Variants in SPTBN1 observed in about 807,000 individuals in gnomAD.
The protein encoded by SPTBN1 is spectrin beta chain, non-erythrocytic 1.
Under a neutral mutation model 266.4 loss-of-function variants are expected in SPTBN1, and 32 were observed. The ratio of observed to expected loss-of-function variants is 0.12; its 90% CI spans 0.09 to 0.16. The LOEUF is 0.16. Ranked by LOEUF, SPTBN1 falls within the 10% of genes least tolerant of loss-of-function variation. The pLI is 1.00. For missense variants in SPTBN1, 2,296 were observed against 3,067.1 expected (o/e 0.75, Z 5.94); for synonymous variants, 1,336 against 1,162.2 (o/e 1.15, Z -3.04).
intron 6 of SPTBN1, 73 bp downstream of exon 6, chr2:54,617,761 CTT>C: frequency 1.3e-6 from 2 of 1,483,974 alleles, no homozygotes; most frequent in Admixed American, 3.5e-5. Flanking sequence ...ATTTGGGTGA[CTT>C]TTCCATATCC....
At chr2:54,541,150 C>T (rs1671910810) in intron 2 of SPTBN1, among the ~76,000 whole-genome samples, 1 of 152,164 alleles carries the variant, frequency 6.6e-6, no homozygotes, top group Non-Finnish European at 1.5e-5. Context: ...TTGCCAGTCC[C>T]AAAGCTGTTT....
At chr2:54,607,249 C>T (rs936519356) in intron 3 of SPTBN1, among the ~76,000 whole-genome samples, 2 of 152,158 alleles carry the variant, frequency 1.3e-5, no homozygotes, top group African/African-American at 2.4e-5. Flanking sequence ...AACAGTGATA[C>T]AATTTTTTAA....
chr2:54,665,577 A>G (rs1681315230), intron 33 of SPTBN1, among the ~76,000 whole-genome samples: 1 of 152,222 alleles, frequency 6.6e-6, no homozygotes, highest in African/African-American at 2.4e-5. Flanking sequence ...CCTTTAGCTC[A>G]TGACCATAAG....
chr2:54,661,112 A>G lies in SPTBN1; in HGVS notation c.6420+1113A>G, dbSNP rs1009200299. ...AAACTCCACTGTACATCTTGGATTA[A>G]TCTTCTGATTCATTGTTCATTTTCT... On this transcript the variant is annotated intron_variant, in intron 32 of 35. Coordinates refer to ENST00000356805, the MANE Select transcript of SPTBN1 (RefSeq NM_003128.3). 3.0e-6 allele frequency: 3 copies of G among 985,382 alleles called. No individual in the cohort carries two copies. In the Admixed American group the frequency reaches 1.8e-4, roughly 60 times the overall value. 61.0% of individuals were successfully genotyped at this position (985,382 alleles called of 1,614,324 possible).
At chr2:54,474,330 A>G (rs973024981) in intron 1 of SPTBN1, among the ~76,000 whole-genome samples, 5 of 152,170 alleles carry the variant, frequency 3.3e-5, no homozygotes, top group African/African-American at 9.7e-5. Flanking sequence ...AGGGTGGACT[A>G]TATATTCTGG....
chr2:54,600,324 A>G (rs1181144431), intron 3 of SPTBN1, among the ~76,000 whole-genome samples: 6 of 152,204 alleles, frequency 3.9e-5, no homozygotes, highest in African/African-American at 1.4e-4. Flanking sequence ...TCTCCAGAAG[A>G]TAGTGAAGCC....
chr2:54,610,215 C>A (rs1266356849), intron 3 of SPTBN1, among the ~76,000 whole-genome samples: 1 of 152,198 alleles, frequency 6.6e-6, no homozygotes, highest in Non-Finnish European at 1.5e-5. Context: ...CTCTGTGAAC[C>A]TTTCCTGGTT....
chr2:54,618,748 T>G (rs1677803460), intron 7 of SPTBN1, among the ~76,000 whole-genome samples: 1 of 152,300 alleles, frequency 6.6e-6, no homozygotes. Flanking sequence ...GCTTTGCTTA[T>G]GAGCAAGTAA....
At chr2:54,473,111 T>G (rs1023278886) in intron 1 of SPTBN1, among the ~76,000 whole-genome samples, 1 of 152,218 alleles carries the variant, frequency 6.6e-6, no homozygotes. Flanking sequence ...GTCTTGAATT[T>G]TGCTTTGTCA....
intron 32 of SPTBN1, chr2:54,662,633 G>C (rs183289324): frequency 6.6e-6 from 1 of 152,190 alleles, no homozygotes; most frequent in Non-Finnish European, 1.5e-5. Context: ...ACCTGGCTCA[G>C]GCCTTCCAGA....
chr2:54,662,356 A>G, intron 32 of SPTBN1: 2 of 979,728 alleles, frequency 2.0e-6, no homozygotes, highest in Non-Finnish European at 2.4e-6. Context: ...AACATTAATG[A>G]TCTCTGCATA....
At chr2:54,520,782 T>A (rs1455876247) in intron 1 of SPTBN1, among the ~76,000 whole-genome samples, 1 of 151,742 alleles carries the variant, frequency 6.6e-6, no homozygotes, top group Non-Finnish European at 1.5e-5. Flanking sequence ...GTATTACTGT[T>A]TTTATTCATT....
Position 54,653,536 on chromosome 2 carries a change from A to G in SPTBN1, c.5578-73A>G, listed in dbSNP as rs1680446412. 1.9e-6 allele frequency: 3 copies of G among 1,571,604 alleles called. No individual in the cohort carries two copies. Among genetic ancestry groups the G allele is most frequent in the Non-Finnish European group, 2.6e-6 (3 of 1,166,740 alleles). On this transcript the variant is annotated intron_variant, in intron 26 of 35. Transcript: ENST00000356805. This position sits in a 1 kb window ranked among gnomAD's most constrained non-coding sequence, Gnocchi z 5.1. Reference sequence around the variant, plus strand: ...GCTCCCTTTAGTGTATGAGCAGAACAGAATAGGGCTTGGGGTGATGGTGGG... The same window carrying G: ...GCTCCCTTTAGTGTATGAGCAGAACGGAATAGGGCTTGGGGTGATGGTGGG...
At chr2:54,557,609 C>T (rs1399809674) in intron 2 of SPTBN1, 5 of 576,560 alleles carry the variant, frequency 8.7e-6, no homozygotes, top group Non-Finnish European at 8.8e-6. Flanking sequence ...AGTTTCGGTT[C>T]CCTCATCTCC....
At chr2:54,585,559 T>G (rs528027805) in intron 2 of SPTBN1, among the ~76,000 whole-genome samples, 51 of 152,352 alleles carry the variant, frequency 3.3e-4, no homozygotes, top group African/African-American at 1.2e-3. Flanking sequence ...CAAAGGAAAT[T>G]AGCAGAAGTG....
intron 3 of SPTBN1, among the ~76,000 whole-genome samples, chr2:54,604,506 C>T (rs1676705963): frequency 6.6e-6 from 1 of 152,148 alleles, no homozygotes; most frequent in African/African-American, 2.4e-5. Flanking sequence ...AGCCAGTGCC[C>T]CAGGAGGGAT....
intron 2 of SPTBN1, among the ~76,000 whole-genome samples, chr2:54,539,118 C>G (rs1358654593): frequency 6.6e-6 from 1 of 152,134 alleles, no homozygotes; most frequent in Non-Finnish European, 1.5e-5. Flanking sequence ...TGGGTGTATC[C>G]ATAGTCTCCC....
chr2:54,603,570 C>T (rs1676640827), intron 3 of SPTBN1, among the ~76,000 whole-genome samples: 1 of 152,156 alleles, frequency 6.6e-6, no homozygotes, highest in Admixed American at 6.5e-5. Flanking sequence ...GAGTGGGTCC[C>T]AGCTGGGAAC....
Position 54,653,883 on chromosome 2 carries a change from C to A in SPTBN1, c.5822+30C>A, listed in dbSNP as rs752016136. The A allele has an allele frequency of 2.5e-6, 4 of 1,595,568 alleles. No homozygotes were observed. The highest frequency in any genetic ancestry group is 3.4e-6 in the Non-Finnish European group (4 of 1,175,580). On this transcript the variant is annotated intron_variant, in intron 27 of 35. Transcript: ENST00000356805. This position sits in a 1 kb window ranked among gnomAD's most constrained non-coding sequence, Gnocchi z 5.1. ...CGCTTTCAGCCCAAAGGAAATTGGA[C>A]TTATTGGCGCTTGGTTAAAACACAG...
Sources: allele counts gnomAD v4.1 joint callset (sites outside exome capture counted in the v4.1 genomes callset), GRCh38; gene constraint gnomAD v4.1.1; non-coding constraint Gnocchi (gnomAD v3.1); transcripts MANE v1.5; gene names NCBI Gene and HGNC (gene_info 2026-07-23, HGNC 2026-07-21).